The following DHX35 variants were observed in gnomAD, a reference collection of about 807,000 sequenced individuals.
DHX35 encodes the protein probable ATP-dependent RNA helicase DHX35.
DHX35 carries 84 observed loss-of-function variants against 99.6 expected under a neutral mutation model. That is an observed-to-expected ratio of 0.84 (90% CI 0.71 to 1.01). The LOEUF is 1.01. DHX35 is among the 50% of genes least tolerant of loss of function. DHX35 has a pLI of 0.00. For synonymous variants in DHX35, 331 were observed against 316.2 expected (o/e 1.05, Z -0.50); for missense variants, 852 against 888.5 (o/e 0.96, Z 0.52).
chr20:38,983,840 T>C (rs1459376163), intron 4 of DHX35, 64 bp downstream of exon 4: 8 of 1,426,118 alleles, frequency 5.6e-6, no homozygotes. Flanking sequence ...TTTGTTTACA[T>C]TTCCTAAAGG....
chr20:38,999,148 C>T (rs987697164), intron 8 of DHX35, among the ~76,000 whole-genome samples: 1 of 152,050 alleles, frequency 6.6e-6, no homozygotes, highest in Non-Finnish European at 1.5e-5. Flanking sequence ...TAGTCCTTAA[C>T]GGTAAGGTTT....
chr20:39,006,112 A>G (rs2145903873), intron 11 of DHX35, 34 bp from the exon 12 acceptor site: 3 of 1,593,958 alleles, frequency 1.9e-6, no homozygotes, highest in East Asian at 2.3e-5. Context: ...AAAGAATAAA[A>G]TGAGTTTTAT....
chr20:38,983,822 A>C, intron 4 of DHX35, 46 bp downstream of exon 4: 1 of 1,530,988 alleles, frequency 6.5e-7, no homozygotes, highest in Non-Finnish European at 9.0e-7. Context: ...TGTTGTCTAC[A>C]TTTGTGATTT....
Position 38,962,376 on chromosome 20 carries a change from G to T in DHX35, c.9G>T (p.Ala3=). The T allele has an allele frequency of 1.2e-6, 2 of 1,612,526 alleles. No homozygotes were observed. Among genetic ancestry groups the T allele is most frequent in the Non-Finnish European group, 8.5e-7 (1 of 1,179,198 alleles). The change falls in exon 1 of 22, where the codon GCG becomes GCT. Residue 3 remains alanine, a synonymous_variant. Transcript: ENST00000252011. MA[A]PVGPVKFWRP... The stretch of plus-strand genomic sequence containing the variant: ...TGACCTTTTACCCCAACATGGCTGC[G>T]CCCGTGGGACCGGTGAAGTTCTGGC...
intron 8 of DHX35, among the ~76,000 whole-genome samples, chr20:38,995,413 A>G (rs1267708463): frequency 6.6e-6 from 1 of 152,084 alleles, no homozygotes; most frequent in Non-Finnish European, 1.5e-5. Context: ...AATCCCAGCT[A>G]CTTGGGAGGC....
intron 5 of DHX35, among the ~76,000 whole-genome samples, chr20:38,989,633 T>C (rs939295139): frequency 1.3e-5 from 2 of 152,120 alleles, no homozygotes; most frequent in Non-Finnish European, 2.9e-5. Flanking sequence ...AATCGAAATA[T>C]AGAAACAAGC....
intron 14 of DHX35, 54 bp downstream of exon 14, chr20:39,014,988 T>C: frequency 1.9e-6 from 3 of 1,600,212 alleles, no homozygotes; most frequent in Non-Finnish European, 2.6e-6. Flanking sequence ...TTTTGTGATA[T>C]TAGTGAGGTC....
At chr20:39,024,170 C>T (rs114129100) in intron 17 of DHX35, among the ~76,000 whole-genome samples, 1,537 of 152,316 alleles carry the variant, frequency 0.01, 28 homozygotes, top group African/African-American at 0.033. Context: ...AAAGCTGTCC[C>T]AGCTGCCATG....
At position 39,025,293 on chromosome 20, in the gene DHX35, G is replaced by C; in HGVS notation, c.1735G>C (p.Ala579Pro). The C allele has an allele frequency of 6.2e-7, 1 of 1,613,736 alleles. No individual in the cohort carries two copies. The highest frequency in any genetic ancestry group is 8.5e-7 in the Non-Finnish European group (1 of 1,179,808). ...GAATTACAAGGGTCTTGTCAGAGCTGCGACTGTAAGAGAACAATTGAAAAA... is the reference window on the plus strand; with the variant it reads ...GAATTACAAGGGTCTTGTCAGAGCTCCGACTGTAAGAGAACAATTGAAAAA... Reference protein sequence around the residue: ...FLNYKGLVRAATVREQLKKLL... With the variant: ...FLNYKGLVRAPTVREQLKKLL... Residue 579 changes from alanine (A) to proline (P), a missense_variant, in exon 18 of 22, where the codon GCG (alanine) becomes CCG (proline). Coordinates refer to ENST00000252011, the MANE Select transcript of DHX35 (RefSeq NM_021931.4).
chr20:38,982,040 A>C (rs926320068), intron 3 of DHX35, among the ~76,000 whole-genome samples: 3 of 152,146 alleles, frequency 2.0e-5, no homozygotes, highest in Middle Eastern at 3.2e-3. Context: ...GACTTAGGAA[A>C]TATATGTATG....
chr20:38,983,687 T>A lies in DHX35; in HGVS notation c.268-12T>A. On this transcript the variant is annotated splice_polypyrimidine_tract_variant and intron_variant, in intron 3 of 21. Transcript: ENST00000252011. ...GTATCATATGTATACTTAGATGTGA[T>A]TTTGTTTGTAGTACCTTGCAGAAGC... is the stretch of plus-strand genomic sequence containing the variant. 3 of 1,613,544 alleles carry A rather than the reference T, an allele frequency of 1.9e-6. No homozygotes were observed. Among genetic ancestry groups the A allele is most frequent in the Non-Finnish European group, 2.5e-6 (3 of 1,179,564 alleles).
In DHX35 at chr20:39,010,391, T is replaced by C; in HGVS notation, c.1334T>C (p.Phe445Ser). The C allele has an allele frequency of 1.9e-6, 3 of 1,614,150 alleles. No homozygotes were observed. Among genetic ancestry groups the C allele is most frequent in the Non-Finnish European group, 2.5e-6 (3 of 1,179,996 alleles). Residue 445 changes from phenylalanine (F) to serine (S), a missense_variant, in exon 13 of 22, where the codon TTC (phenylalanine) becomes TCC (serine). Coordinates refer to ENST00000252011, the MANE Select transcript of DHX35 (RefSeq NM_021931.4). ...KALGIDNVLR[F>S]HFMSPPPAQS... ...CTAGGAATTGACAATGTCCTCAGGT[T>C]CCACTTCATGTCGGTAAGTCCTGCC...
At chr20:38,963,508 A>G (rs2085866424) in intron 1 of DHX35, among the ~76,000 whole-genome samples, 1 of 152,244 alleles carries the variant, frequency 6.6e-6, no homozygotes, top group South Asian at 2.1e-4. Context: ...ATTTCAAGTC[A>G]TCAGCCAATT....
chr20:39,012,037 C>T (rs1407885533), intron 13 of DHX35, among the ~76,000 whole-genome samples: 1 of 152,148 alleles, frequency 6.6e-6, no homozygotes, highest in Non-Finnish European at 1.5e-5. Context: ...CACTTGAGGT[C>T]CGGACTTCAA....
intron 11 of DHX35, among the ~76,000 whole-genome samples, chr20:39,004,263 C>A (rs142560280): frequency 6.6e-6 from 1 of 152,070 alleles, no homozygotes; most frequent in African/African-American, 2.4e-5. Context: ...GACGGGGTTT[C>A]ACTAAGTTAG....
chr20:38,999,983 A>C (rs73908229), intron 8 of DHX35, among the ~76,000 whole-genome samples: 3,069 of 152,278 alleles, frequency 0.02, 111 homozygotes, highest in African/African-American at 0.071. Context: ...TTTGAACCTC[A>C]CAGCAACCTT....
In DHX35 at chr20:39,023,729, C is replaced by A. The variant is rs1357553581; in HGVS notation, c.1633C>A (p.His545Asn). The A allele has an allele frequency of 1.2e-6, 2 of 1,613,958 alleles. No homozygotes were observed. The highest frequency in any genetic ancestry group is 1.7e-6 in the Non-Finnish European group (2 of 1,179,988). The change falls in exon 17 of 22, where the codon CAC becomes AAC. Residue 545 changes from histidine to asparagine, a missense_variant. Transcript: ENST00000252011. Reference protein sequence around the residue: ...HRKFAVEEGDHLTMLNIYEAF... With the variant: ...HRKFAVEEGDNLTMLNIYEAF... ...TAAATTTGCTGTGGAGGAGGGCGAC[C>A]ACCTCACTATGCTCAATATATATGA...
chr20:39,032,303 C>T (rs537924915), intron 20 of DHX35, among the ~76,000 whole-genome samples: 2 of 152,302 alleles, frequency 1.3e-5, no homozygotes, highest in South Asian at 4.1e-4. Context: ...TCCTGAGTAG[C>T]TGGGATTACA....
intron 3 of DHX35, among the ~76,000 whole-genome samples, chr20:38,978,958 C>G (rs2086126031): frequency 6.6e-6 from 1 of 152,150 alleles, no homozygotes; most frequent in African/African-American, 2.4e-5. Flanking sequence ...TGTCCTTTCC[C>G]TAAGATGTGT....
Sources: gnomAD v4.1 joint callset for allele counts (sites outside exome capture counted in the v4.1 genomes callset) on GRCh38, gnomAD v4.1.1 for gene constraint, MANE v1.5 for transcripts, NCBI Gene and HGNC (gene_info 2026-07-23, HGNC 2026-07-21) for gene names.